COX7A2L: variants seen among roughly 807,000 people sequenced by gnomAD.
COX7A2L encodes cytochrome c oxidase subunit 7A2-like, mitochondrial.
COX7A2L carries 18 observed loss-of-function variants against 14.2 expected under a neutral mutation model. The observed-to-expected ratio is 1.27, with a 90% CI of 0.88 to 1.88. The LOEUF (loss-of-function observed/expected upper bound fraction) is 1.88. Among genes scored for constraint, COX7A2L ranks in the 40% most tolerant of loss-of-function variants. COX7A2L has a pLI of 0.00. For synonymous variants in COX7A2L, 65 were observed against 57.4 expected (o/e 1.13, Z -0.60); for missense variants, 179 against 138.8 (o/e 1.29, Z -1.46).
chr2:42,362,999 C>T (rs988600940), upstream of COX7A2L, among the ~76,000 whole-genome samples: 3 of 151,564 alleles, frequency 2.0e-5, no homozygotes, highest in African/African-American at 7.3e-5. Flanking sequence ...CTCAGTCTCC[C>T]GGGTAGCTGG....
At chr2:42,358,740 G>A (rs1045602688) in intron 1 of COX7A2L, among the ~76,000 whole-genome samples, 1 of 152,204 alleles carries the variant, frequency 6.6e-6, no homozygotes, top group East Asian at 1.9e-4. Flanking sequence ...GGTAATCTCT[G>A]CTGAGCGCCC....
At chr2:42,336,588 G>A (rs1410014002) in intron 2 of COX7A2L, among the ~76,000 whole-genome samples, 1 of 152,124 alleles carries the variant, frequency 6.6e-6, no homozygotes, top group African/African-American at 2.4e-5. Context: ...AGGAGACTCC[G>A]GAGCCTGCCA....
At position 42,342,250 on chromosome 2, in the gene COX7A2L, A is replaced by G. The variant is rs1351629910; in HGVS notation, c.193-8381T>C. Reference sequence around the variant, plus strand: ...ACCCTGAAGGGGGCCCTGGACCAGCAGAGCCTGCCTCTTCCACCCTAGCCT... The same window carrying G: ...ACCCTGAAGGGGGCCCTGGACCAGCGGAGCCTGCCTCTTCCACCCTAGCCT... On this transcript the variant is annotated intron_variant, in intron 2 of 2. Coordinates refer to the COX7A2L transcript ENST00000468711. The surrounding 1 kb of genome is among the most constrained non-coding windows in gnomAD (Gnocchi z 4.9). Among the ~76,000 whole-genome samples the G allele has an allele frequency of 6.6e-6, 1 of 152,152 alleles. No homozygotes were observed. The highest frequency in any genetic ancestry group is 1.5e-5 in the Non-Finnish European group (1 of 68,022).
At chr2:42,365,802 G>C (rs1357242213), upstream of COX7A2L, 1 of 152,182 alleles carries the variant, frequency 6.6e-6, no homozygotes, top group African/African-American at 2.4e-5. Flanking sequence ...CCAAGTGTTA[G>C]GCCACAGGAA....
rs2103887221 is a variant in COX7A2L, at chr2:42,351,115, A to G, written c.*104T>C. 1.6e-6 allele frequency: 2 copies of G among 1,276,672 alleles called. No homozygotes were observed. Among genetic ancestry groups the G allele is most frequent in the Non-Finnish European group, 2.1e-6 (2 of 948,306 alleles). The allele number at this position is 1,276,672 out of a possible 1,614,324, so 79.1% of individuals were successfully genotyped here. On this transcript the variant is annotated 3_prime_UTR_variant, in exon 3 of 3. Transcript: ENST00000234301. ...TCATATCTTCCTATTTTTCTTGCAA[A>G]AATGTTAAGCCATCCAAGTAAAAAA...
intron 2 of COX7A2L, among the ~76,000 whole-genome samples, chr2:42,344,019 T>A (rs1249917445): frequency 6.6e-6 from 1 of 152,186 alleles, no homozygotes; most frequent in Non-Finnish European, 1.5e-5. Context: ...CAGGGATAAG[T>A]GGGCACTGCT....
chr2:42,342,804 C>T lies in COX7A2L; in HGVS notation c.193-8935G>A, dbSNP rs916982252. 1.7e-4 allele frequency among the ~76,000 whole-genome samples: 26 copies of T among 152,132 alleles called. No homozygotes were observed. The highest frequency in any genetic ancestry group is 4.4e-5 in the Non-Finnish European group (3 of 68,012). On this transcript the variant is annotated intron_variant, in intron 2 of 2. Transcript: ENST00000468711. The surrounding 1 kb of genome is among the most constrained non-coding windows in gnomAD (Gnocchi z 4.9). ...CCTGGCCATTCAGCGCCCCCCGTTT[C>T]GGGTTTTGCAGCAGACTTCCCCTGG...
downstream of COX7A2L, among the ~76,000 whole-genome samples, chr2:42,348,110 T>C (rs897890396): frequency 6.6e-6 from 1 of 152,178 alleles, no homozygotes; most frequent in Non-Finnish European, 1.5e-5. Context: ...AAATCAATAA[T>C]GGCAGAAATG....
At chr2:42,353,475 G>A (rs1670715349) in intron 1 of COX7A2L, 132 bp from the exon 2 acceptor site, 2 of 1,210,094 alleles carry the variant, frequency 1.7e-6, no homozygotes, top group African/African-American at 3.1e-5. Flanking sequence ...ACCCTGTCAA[G>A]AACCCCTTGC....
chr2:42,366,847 A>G (rs1671173738), intron 1 of COX7A2L, among the ~76,000 whole-genome samples: 2 of 151,928 alleles, frequency 1.3e-5, no homozygotes, highest in Admixed American at 6.6e-5. Flanking sequence ...TTCCCTCTTC[A>G]GCCTCCCTTC....
chr2:42,348,182 G>C (rs1329629261), downstream of COX7A2L, among the ~76,000 whole-genome samples: 1 of 152,194 alleles, frequency 6.6e-6, no homozygotes, highest in Non-Finnish European at 1.5e-5. Context: ...CTTCACAGAA[G>C]AAATATCAAA....
upstream of COX7A2L, among the ~76,000 whole-genome samples, chr2:42,362,183 C>T (rs1423816924): frequency 6.6e-6 from 1 of 152,202 alleles, no homozygotes; most frequent in African/African-American, 2.4e-5. Flanking sequence ...GGAACTACCA[C>T]TTTCAGTTCT....
upstream of COX7A2L, among the ~76,000 whole-genome samples, chr2:42,362,727 G>A (rs1671085720): frequency 6.6e-6 from 1 of 152,162 alleles, no homozygotes; most frequent in Non-Finnish European, 1.5e-5. Context: ...TGTTGTAAAG[G>A]TTTCAGCGAA....
At chr2:42,361,851 G>C (rs1244332583), upstream of COX7A2L, 1 of 152,254 alleles carries the variant, frequency 6.6e-6, no homozygotes, top group East Asian at 1.9e-4. Context: ...CTGGCAACCT[G>C]GGAGTTGAAG....
At chr2:42,360,598 T>TCCCAACCCAGATCATAGCCC (rs1670994102) in intron 1 of COX7A2L, among the ~76,000 whole-genome samples, 3 of 152,170 alleles carry the variant, frequency 2.0e-5, no homozygotes, top group Non-Finnish European at 2.9e-5. Flanking sequence ...CTGTTAAATT[T>TCCCAACCCAGATCATAGCCC]CCCAACCCAG....
rs540020899 is a variant in COX7A2L at position 42,339,496 on chromosome 2, G to C, written c.193-5627C>G. On this transcript the variant is annotated intron_variant, in intron 2 of 2. Transcript: ENST00000468711. The surrounding 1 kb of genome is among the most constrained non-coding windows in gnomAD (Gnocchi z 5.4). ...TGGCTTGAGCTCCAGGCATGTGAGC[G>C]ACACTGGCCGACAACCTCCTTGAAA... is the stretch of plus-strand genomic sequence containing the variant. 3.3e-5 allele frequency among the ~76,000 whole-genome samples: 5 copies of C among 152,278 alleles called. No homozygotes were observed. The South Asian group carries it at 1.0e-3, about 32-fold the overall frequency.
In COX7A2L at chr2:42,342,620, C is replaced by T. The variant is rs1331469812; in HGVS notation, c.193-8751G>A. Among the ~76,000 whole-genome samples, 1 of 152,186 alleles carries T rather than the reference C, an allele frequency of 6.6e-6. No homozygotes were observed. The highest frequency in any genetic ancestry group is 1.5e-5 in the Non-Finnish European group (1 of 68,026). ...CAAAGATTCCAATCTGGCTAATACA[C>T]ATTAGGCAGTGTAGAGACCTGTGCT... On this transcript the variant is annotated intron_variant, in intron 2 of 2. Transcript: ENST00000468711. This position sits in a 1 kb window ranked among gnomAD's most constrained non-coding sequence, Gnocchi z 4.9.
chr2:42,351,769 T>C lies in COX7A2L; in HGVS notation c.205-410A>G, dbSNP rs189182926. Among the ~76,000 whole-genome samples the C allele has an allele frequency of 1.3e-4, 20 of 151,256 alleles. No individual in the cohort carries two copies. The East Asian group carries it at 3.3e-3, about 25-fold the overall frequency. On this transcript the variant is annotated intron_variant, in intron 2 of 2. Coordinates refer to ENST00000234301, the MANE Select transcript of COX7A2L (RefSeq NM_004718.4). ...CAGGCAGATGGCTTGAGCCCAGGAG[T>C]TCAAGACCAGCCTGGGCAACATGGC...
At chr2:42,361,062 G>C (rs1458280132) in intron 1 of COX7A2L, 28 bp downstream of exon 1, 6 of 1,611,086 alleles carry the variant, frequency 3.7e-6, no homozygotes, top group Admixed American at 1.7e-5. Flanking sequence ...CACTTCTCAT[G>C]TCCGAGCTGG....
Sources: gnomAD v4.1 joint callset for allele counts (sites outside exome capture counted in the v4.1 genomes callset) on GRCh38, gnomAD v4.1.1 for gene constraint, Gnocchi (gnomAD v3.1) non-coding constraint, MANE v1.5 for transcripts, NCBI Gene and HGNC (gene_info 2026-07-23, HGNC 2026-07-21) for gene names.